The following RPA3 variants were observed in gnomAD, a reference collection of about 807,000 sequenced individuals.
RPA3 encodes replication protein A 14 kDa subunit.
A neutral mutation model predicts 13.7 loss-of-function variants in RPA3; 24 were observed. That is an observed-to-expected ratio of 1.75 (90% CI 1.27 to 2.46). The LOEUF is 2.46. Ranked by LOEUF, RPA3 falls within the 30% of genes most tolerant of loss-of-function variation. The pLI is 0.00. For synonymous variants in RPA3, 59 were observed against 51.2 expected (o/e 1.15, Z -0.65); for missense variants, 183 against 151.0 (o/e 1.21, Z -1.11).
chr7:7,712,361 G>C (rs1180692215), intron 2 of RPA3, among the ~76,000 whole-genome samples: 2 of 151,968 alleles, frequency 1.3e-5, no homozygotes, highest in African/African-American at 4.8e-5. Flanking sequence ...CTGTCCATTT[G>C]CTTAGGTTTC....
intron 4 of RPA3, among the ~76,000 whole-genome samples, chr7:7,669,652 T>C (rs928745340): frequency 6.6e-6 from 1 of 152,200 alleles, no homozygotes; most frequent in Non-Finnish European, 1.5e-5. Flanking sequence ...AAGACTCTTA[T>C]TGTAAACTAG....
At chr7:7,704,518 A>C (rs1475162938) in intron 2 of RPA3, among the ~76,000 whole-genome samples, 4 of 150,908 alleles carry the variant, frequency 2.7e-5, no homozygotes, top group African/African-American at 9.8e-5. Flanking sequence ...CACTTTGGGA[A>C]GCCGAGGTGG....
intron 2 of RPA3, among the ~76,000 whole-genome samples, chr7:7,702,420 A>G (rs563910002): frequency 1.7e-3 from 263 of 152,276 alleles, no homozygotes; most frequent in African/African-American, 6.0e-3. Context: ...GAAGGAGTCT[A>G]TGGACTATAA....
intron 2 of RPA3, among the ~76,000 whole-genome samples, chr7:7,711,570 G>C (rs576058603): frequency 3.3e-5 from 5 of 151,988 alleles, no homozygotes; most frequent in South Asian, 2.1e-4. Flanking sequence ...ATGGTATCTT[G>C]TGTTTTTAAT....
intron 4 of RPA3, among the ~76,000 whole-genome samples, chr7:7,663,606 G>A (rs34547903): frequency 0.16 from 23,974 of 146,200 alleles, 2,235 homozygotes; most frequent in Middle Eastern, 0.23. Context: ...TCTCTACTAT[G>A]AATCTAAAAT....
chr7:7,691,702 T>C (rs1780176189), intron 2 of RPA3, among the ~76,000 whole-genome samples: 1 of 152,230 alleles, frequency 6.6e-6, no homozygotes, highest in Non-Finnish European at 1.5e-5. Flanking sequence ...TGACCCTTTT[T>C]TGTTCTATGT....
chr7:7,716,728 G>C (rs1036279704), intron 1 of RPA3, among the ~76,000 whole-genome samples: 18 of 152,172 alleles, frequency 1.2e-4, no homozygotes, highest in Admixed American at 3.9e-4. Context: ...GGCGGATCAC[G>C]AGGTCAGGAG....
In RPA3 at chr7:7,692,953, A is replaced by G. The variant is rs540574399; in HGVS notation, c.-1027-5625T>C. 1.1e-4 allele frequency among the ~76,000 whole-genome samples: 17 copies of G among 152,256 alleles called. No homozygotes were observed. In the South Asian group the frequency reaches 3.3e-3, roughly 30 times the overall value. Reference sequence around the variant, plus strand: ...TATATTTCATGTGAACCTTTTTGTTATGTATATTTTATGTGTCTAAAATAG... The same window carrying G: ...TATATTTCATGTGAACCTTTTTGTTGTGTATATTTTATGTGTCTAAAATAG... On this transcript the variant is annotated intron_variant, in intron 2 of 7. Transcript: ENST00000223129.
chr7:7,643,606 G>A (rs1785025097), intron 4 of RPA3, among the ~76,000 whole-genome samples: 1 of 152,098 alleles, frequency 6.6e-6, no homozygotes, highest in East Asian at 1.9e-4. Context: ...CAGCTACTCG[G>A]GAGGCTGAGG....
At chr7:7,704,757 A>C (rs1316496471) in intron 2 of RPA3, among the ~76,000 whole-genome samples, 1 of 113,728 alleles carries the variant, frequency 8.8e-6, no homozygotes, top group Non-Finnish European at 1.7e-5. Flanking sequence ...ACAGAGCGAG[A>C]CTCCATCTCA....
chr7:7,700,003 T>A (rs994327958), intron 2 of RPA3, among the ~76,000 whole-genome samples: 1 of 152,258 alleles, frequency 6.6e-6, no homozygotes, highest in Non-Finnish European at 1.5e-5. Flanking sequence ...GTGGTGATAC[T>A]TACAAGTTAT....
chr7:7,644,794 T>C (rs1785059081), intron 4 of RPA3, among the ~76,000 whole-genome samples: 1 of 152,194 alleles, frequency 6.6e-6, no homozygotes, highest in Non-Finnish European at 1.5e-5. Context: ...GGGAATGTCT[T>C]GGTTATTTTT....
At chr7:7,673,576 T>C in intron 4 of RPA3, 1 of 617,402 alleles carries the variant, frequency 1.6e-6, no homozygotes. Context: ...ATGTGTTTAA[T>C]TTTTAAAGCG....
At chr7:7,685,333 C>G (rs533968979) in intron 4 of RPA3, among the ~76,000 whole-genome samples, 7 of 139,660 alleles carry the variant, frequency 5.0e-5, no homozygotes, top group Non-Finnish European at 1.1e-4. Context: ...TTTTTTGAGA[C>G]GGAGTCTTGC....
At chr7:7,652,337 T>G (rs970820295) in intron 4 of RPA3, among the ~76,000 whole-genome samples, 1 of 152,222 alleles carries the variant, frequency 6.6e-6, no homozygotes, top group African/African-American at 2.4e-5. Flanking sequence ...GACTCAGACT[T>G]TGAGATATGG....
chr7:7,644,159 C>T (rs1219233802), intron 4 of RPA3, among the ~76,000 whole-genome samples: 1 of 152,080 alleles, frequency 6.6e-6, no homozygotes, highest in African/African-American at 2.4e-5. Context: ...TGTCGTGACC[C>T]TAATTTGCAC....
chr7:7,702,785 T>TTTGTTGTTG (rs148600831), intron 2 of RPA3, among the ~76,000 whole-genome samples: 2 of 150,346 alleles, frequency 1.3e-5, no homozygotes, highest in Non-Finnish European at 3.0e-5. Flanking sequence ...GGCCTGGGTT[T>TTTGTTGTTG]TTGTTGTTGT....
chr7:7,672,100 A>G (rs1779620271), intron 4 of RPA3, among the ~76,000 whole-genome samples: 1 of 152,200 alleles, frequency 6.6e-6, no homozygotes, highest in Admixed American at 6.5e-5. Context: ...GCTTTCACTC[A>G]CATTAAATCC....
intron 4 of RPA3, among the ~76,000 whole-genome samples, chr7:7,670,131 GTTGT>G (rs1779570028): frequency 6.6e-6 from 1 of 152,140 alleles, no homozygotes; most frequent in Non-Finnish European, 1.5e-5. Context: ...TTAAAAACAG[GTTGT>G]TTGTTTTCTT....
Sources: allele counts gnomAD v4.1 joint callset (sites outside exome capture counted in the v4.1 genomes callset), GRCh38; gene constraint gnomAD v4.1.1; transcripts MANE v1.5; gene names NCBI Gene and HGNC (gene_info 2026-07-23, HGNC 2026-07-21).